Variants in MRAP2 observed in about 807,000 individuals in gnomAD.
MRAP2 encodes the protein melanocortin-2 receptor accessory protein 2.
In MRAP2, 20 loss-of-function variants were observed where a neutral mutation model predicts 17.4. The observed-to-expected ratio is 1.15, with a 90% confidence interval of 0.81 to 1.67. The LOEUF is 1.67. Among genes scored for constraint, MRAP2 ranks in the 40% most tolerant of loss-of-function variants. MRAP2 has a pLI of 0.00. For missense variants in MRAP2, 238 were observed against 240.0 expected, an observed-to-expected ratio of 0.99 and a Z score of 0.05; for synonymous variants, 96 against 88.4, an observed-to-expected ratio of 1.09 and a Z score of -0.48.
downstream of MRAP2, chr6:84,090,991 G>GTA (rs1411190947): frequency 1.3e-5 from 2 of 152,098 alleles, no homozygotes; most frequent in African/African-American, 4.8e-5. Context: ...AGTGCTGACT[G>GTA]TACCATCTCT....
chr6:84,094,873 A>G (rs1588668008), downstream of MRAP2, among the ~76,000 whole-genome samples: 4 of 152,076 alleles, frequency 2.6e-5, no homozygotes, highest in Admixed American at 2.0e-4. Flanking sequence ...TTTTTTTTCT[A>G]TCATGCTCAG....
chr6:84,123,236 T>C, the MRAP2 span, among the ~76,000 whole-genome samples: 1 of 140,512 alleles, frequency 7.1e-6, no homozygotes, highest in Admixed American at 7.2e-5. Context: ...CTAAAATTCA[T>C]ATTGAACGCC....
At chr6:84,076,525 A>C (rs1466957931) in intron 3 of MRAP2, among the ~76,000 whole-genome samples, 3 of 151,512 alleles carry the variant, frequency 2.0e-5, no homozygotes. Context: ...CACCCAGCCT[A>C]ATTTTTGTAT....
intron 3 of MRAP2, among the ~76,000 whole-genome samples, chr6:84,082,283 T>G (rs1244670724): frequency 6.6e-6 from 1 of 151,926 alleles, no homozygotes; most frequent in African/African-American, 2.4e-5. Context: ...ATAACAAGAG[T>G]GTTGTAGTTT....
the MRAP2 span, among the ~76,000 whole-genome samples, chr6:84,124,035 GTTA>G: frequency 7.2e-5 from 11 of 152,006 alleles, no homozygotes; most frequent in Non-Finnish European, 1.0e-4. Context: ...AGTCACAATG[GTTA>G]TTATTAAAAA....
chr6:84,075,604 A>G (rs2099497386), intron 3 of MRAP2, among the ~76,000 whole-genome samples: 1 of 152,202 alleles, frequency 6.6e-6, no homozygotes, highest in Non-Finnish European at 1.5e-5. Flanking sequence ...TCTGCCAGAT[A>G]GAGAGTAATG....
intron 1 of MRAP2, among the ~76,000 whole-genome samples, chr6:84,054,209 A>T (rs1352084234): frequency 4.6e-5 from 7 of 152,082 alleles, no homozygotes; most frequent in Non-Finnish European, 1.5e-5. Flanking sequence ...TTTCTCCATT[A>T]TAAGGGAAGG....
the MRAP2 span, among the ~76,000 whole-genome samples, chr6:84,100,938 T>C: frequency 6.6e-6 from 1 of 152,066 alleles, no homozygotes; most frequent in Non-Finnish European, 1.5e-5. Flanking sequence ...TCCAGTAGAT[T>C]TACAATTGTT....
chr6:84,070,509 C>T (rs184522197), intron 3 of MRAP2, among the ~76,000 whole-genome samples: 254 of 152,192 alleles, frequency 1.7e-3, no homozygotes, highest in African/African-American at 6.0e-3. Context: ...GTCTTATGGC[C>T]TATCATAAGA....
At chr6:84,051,374 T>G (rs1440381663) in intron 1 of MRAP2, among the ~76,000 whole-genome samples, 1 of 152,202 alleles carries the variant, frequency 6.6e-6, no homozygotes, top group Non-Finnish European at 1.5e-5. Flanking sequence ...CTGGCCAGCA[T>G]GGCAAAACCC....
At chr6:84,117,642 G>T in the MRAP2 span, among the ~76,000 whole-genome samples, 2 of 140,892 alleles carry the variant, frequency 1.4e-5, no homozygotes, top group Non-Finnish European at 3.0e-5. Context: ...TTGGATGTGG[G>T]GTGTGTGTCT....
chr6:84,050,555 T>C (rs2099490181), intron 1 of MRAP2, among the ~76,000 whole-genome samples: 1 of 152,246 alleles, frequency 6.6e-6, no homozygotes, highest in Non-Finnish European at 1.5e-5. Flanking sequence ...AGTTCCCACC[T>C]TGGGCTCATC....
chr6:84,066,893 A>AT (rs1036206847), intron 3 of MRAP2, among the ~76,000 whole-genome samples: 6 of 152,154 alleles, frequency 3.9e-5, no homozygotes, highest in Admixed American at 2.6e-4. Flanking sequence ...CAGATTTGTT[A>AT]TTTTTTCCAT....
chr6:84,071,024 T>C (rs2129170563), intron 3 of MRAP2, among the ~76,000 whole-genome samples: 1 of 152,324 alleles, frequency 6.6e-6, no homozygotes, highest in South Asian at 2.1e-4. Context: ...ATTCTGTGGT[T>C]CTGTATTTTT....
the MRAP2 span, among the ~76,000 whole-genome samples, chr6:84,096,109 C>A: frequency 6.6e-6 from 1 of 152,018 alleles, no homozygotes. Flanking sequence ...TTTTTTCTTC[C>A]TCATGTTTTG....
the MRAP2 span, among the ~76,000 whole-genome samples, chr6:84,121,626 G>A: frequency 2.0e-5 from 3 of 152,032 alleles, no homozygotes; most frequent in East Asian, 1.9e-4. Flanking sequence ...CCTGGGTGAC[G>A]GAGTAAGACT....
At chr6:84,050,274 G>T (rs2129162373) in intron 1 of MRAP2, among the ~76,000 whole-genome samples, 1 of 152,290 alleles carries the variant, frequency 6.6e-6, no homozygotes, top group Non-Finnish European at 1.5e-5. Flanking sequence ...ATAAAAAGCA[G>T]AAGTAAACTT....
At chr6:84,045,724 C>T (rs1362930992) in intron 1 of MRAP2, among the ~76,000 whole-genome samples, 2 of 152,028 alleles carry the variant, frequency 1.3e-5, no homozygotes, top group African/African-American at 4.8e-5. Context: ...GATCACGCCA[C>T]TGCACTCCAG....
intron 3 of MRAP2, among the ~76,000 whole-genome samples, chr6:84,071,948 C>T (rs1241233495): frequency 6.6e-6 from 1 of 152,100 alleles, no homozygotes; most frequent in Non-Finnish European, 1.5e-5. Flanking sequence ...TTTAAACTAT[C>T]TATTTCCTTG....
Sources: gnomAD v4.1 joint callset for allele counts (sites outside exome capture counted in the v4.1 genomes callset) on GRCh38, gnomAD v4.1.1 for gene constraint, MANE v1.5 for transcripts, NCBI Gene and HGNC (gene_info 2026-07-23, HGNC 2026-07-21) for gene names.